The following DCC variants were observed in gnomAD, a reference collection of about 807,000 sequenced individuals.
The protein encoded by DCC is DCC netrin 1 receptor.
In DCC, 58 loss-of-function variants were observed where a neutral mutation model predicts 172.5. That is an observed-to-expected ratio of 0.34 (90% CI 0.27 to 0.42). DCC has a LOEUF of 0.42. Ranked by LOEUF, DCC falls within the 10% of genes least tolerant of loss-of-function variation. The probability of loss-of-function intolerance (pLI) is 1.00; values close to 1 mark genes in which losing one functional copy is unlikely to be tolerated. For synonymous variants in DCC, 709 were observed against 644.5 expected (o/e 1.10, Z -1.52); for missense variants, 1,740 against 1,791.0 (o/e 0.97, Z 0.51).
chr18:52,545,884 C>A (rs1439348874), intron 1 of DCC, among the ~76,000 whole-genome samples: 1 of 152,174 alleles, frequency 6.6e-6, no homozygotes, highest in African/African-American at 2.4e-5. Context: ...GATACAGTTT[C>A]TTACTTCAAT....
chr18:53,482,825 G>A (rs2045850778), intron 25 of DCC, among the ~76,000 whole-genome samples: 1 of 151,884 alleles, frequency 6.6e-6, no homozygotes, highest in African/African-American at 2.4e-5. Context: ...TAATTCAGTT[G>A]ACTGCCTCAG....
chr18:52,800,508 A>G (rs2037964534), intron 2 of DCC, among the ~76,000 whole-genome samples: 1 of 152,178 alleles, frequency 6.6e-6, no homozygotes, highest in Non-Finnish European at 1.5e-5. Flanking sequence ...ATATAGGTGA[A>G]TATGACGATG....
chr18:53,188,884 C>G (rs1328378526), intron 9 of DCC, among the ~76,000 whole-genome samples: 1 of 152,152 alleles, frequency 6.6e-6, no homozygotes, highest in Non-Finnish European at 1.5e-5. Context: ...CTTCTCCTCT[C>G]TGTGTCTCTG....
chr18:53,267,163 GAGAC>G (rs1287723516), intron 12 of DCC, among the ~76,000 whole-genome samples: 3 of 151,440 alleles, frequency 2.0e-5, no homozygotes, highest in South Asian at 4.2e-4. Flanking sequence ...GAGAGAGAGA[GAGAC>G]AGAGACAGAG....
At chr18:52,461,428 G>T (rs749283539) in intron 1 of DCC, among the ~76,000 whole-genome samples, 3 of 152,132 alleles carry the variant, frequency 2.0e-5, no homozygotes, top group African/African-American at 4.8e-5. Flanking sequence ...ATGACAAAAG[G>T]TATAATATAG....
chr18:53,321,162 G>A (rs1054637220), intron 13 of DCC, among the ~76,000 whole-genome samples: 3 of 151,746 alleles, frequency 2.0e-5, no homozygotes, highest in Non-Finnish European at 4.4e-5. Flanking sequence ...TTTTTTTCTT[G>A]ACACCAAATA....
At chr18:53,103,189 A>C (rs2043197520) in intron 7 of DCC, among the ~76,000 whole-genome samples, 1 of 152,020 alleles carries the variant, frequency 6.6e-6, no homozygotes, top group South Asian at 2.1e-4. Context: ...AACCTGACAT[A>C]ATTACATGAT....
At chr18:52,903,216 CT>C (rs1312784735) in intron 2 of DCC, among the ~76,000 whole-genome samples, 1 of 151,948 alleles carries the variant, frequency 6.6e-6, no homozygotes, top group Admixed American at 6.6e-5. Flanking sequence ...TTTATTATTT[CT>C]TTTTTTGAGA....
rs142210591 is a variant in DCC, at chr18:52,981,751, A to G, written c.985+56381A>G. Among the ~76,000 whole-genome samples, 237 of 152,278 alleles carry G rather than the reference A, an allele frequency of 1.6e-3. 1 individual carries two copies. Among genetic ancestry groups the G allele is most frequent in the African/African-American group, 5.4e-3 (225 of 41,568 alleles). ...CTGAAGAGGACATTTAAAACATGTA[A>G]ATTTACATTTTTCTTGGCATGTTGA... On this transcript the variant is annotated intron_variant, in intron 5 of 28. Transcript: ENST00000442544.
At chr18:53,406,889 G>A (rs1909696611) in intron 19 of DCC, among the ~76,000 whole-genome samples, 1 of 151,916 alleles carries the variant, frequency 6.6e-6, no homozygotes, top group Non-Finnish European at 1.5e-5. Flanking sequence ...TGTTTTCTCT[G>A]AGGCCATTTT....
chr18:53,440,940 C>G (rs1013961726), intron 22 of DCC, among the ~76,000 whole-genome samples: 1 of 152,208 alleles, frequency 6.6e-6, no homozygotes, highest in Admixed American at 6.5e-5. Context: ...ACTTCTGAAC[C>G]TCACCAGCAT....
chr18:52,926,905 A>G (rs1195410474), intron 5 of DCC, among the ~76,000 whole-genome samples: 6 of 118,856 alleles, frequency 5.0e-5, no homozygotes, highest in Non-Finnish European at 8.8e-5. Flanking sequence ...ATATGTGTGT[A>G]TATATACGTA....
chr18:53,516,326 A>T (rs1335577427), intron 27 of DCC, among the ~76,000 whole-genome samples: 1 of 147,874 alleles, frequency 6.8e-6, no homozygotes, highest in East Asian at 2.0e-4. Context: ...CTTAAACGTT[A>T]GACCTAAAAC....
At chr18:52,926,939 G>T (rs1207698938) in intron 5 of DCC, among the ~76,000 whole-genome samples, 1 of 53,192 alleles carries the variant, frequency 1.9e-5, no homozygotes, top group Non-Finnish European at 5.5e-5. Context: ...ATATATAAAC[G>T]TATATGATAT....
chr18:52,970,033 ATTAC>A (rs1350210442), intron 5 of DCC, among the ~76,000 whole-genome samples: 11 of 152,156 alleles, frequency 7.2e-5, no homozygotes, highest in Non-Finnish European at 1.3e-4. Flanking sequence ...TATTTAAAAA[ATTAC>A]TTAATAAAGA....
intron 1 of DCC, among the ~76,000 whole-genome samples, chr18:52,732,243 A>G (rs946894608): frequency 6.6e-6 from 1 of 152,292 alleles, no homozygotes; most frequent in Non-Finnish European, 1.5e-5. Flanking sequence ...GGTGGTTAGA[A>G]TTTAAGACTC....
chr18:52,763,779 T>C (rs1252942337), intron 2 of DCC, among the ~76,000 whole-genome samples: 1 of 152,230 alleles, frequency 6.6e-6, no homozygotes, highest in African/African-American at 2.4e-5. Flanking sequence ...AAAACACTTA[T>C]CTACTTCCTG....
At chr18:52,911,089 T>A (rs1241222603) in intron 3 of DCC, among the ~76,000 whole-genome samples, 1 of 152,146 alleles carries the variant, frequency 6.6e-6, no homozygotes, top group African/African-American at 2.4e-5. Flanking sequence ...CTAATCTATT[T>A]TCTATGTTTT....
At chr18:52,624,282 C>A (rs2034532461) in intron 1 of DCC, among the ~76,000 whole-genome samples, 5 of 152,082 alleles carry the variant, frequency 3.3e-5, no homozygotes, top group Non-Finnish European at 7.4e-5. Flanking sequence ...ATCAATTAAT[C>A]CTTCTCGTCT....
Sources: allele counts gnomAD v4.1 joint callset (sites outside exome capture counted in the v4.1 genomes callset), GRCh38; gene constraint gnomAD v4.1.1; transcripts MANE v1.5; gene names NCBI Gene and HGNC (gene_info 2026-07-23, HGNC 2026-07-21).